PLD1: variants seen among roughly 807,000 people sequenced by gnomAD.
PLD1 encodes phospholipase D1, also known as choline phosphatase 1.
Under a neutral mutation model 137.1 loss-of-function variants are expected in PLD1, and 112 were observed. The ratio of observed to expected loss-of-function variants is 0.82; its 90% CI spans 0.70 to 0.96. The LOEUF is 0.96. Among genes scored for constraint, PLD1 ranks in the 40% least tolerant of loss-of-function variants. The pLI, the probability that PLD1 is intolerant of heterozygous loss-of-function variation, is 0.00. For synonymous variants in PLD1, 431 were observed against 454.7 expected (o/e 0.95, Z 0.66); for missense variants, 1,321 against 1,342.0 (o/e 0.98, Z 0.24).
At chr3:171,721,959 G>T (rs1342070468) in intron 8 of PLD1, among the ~76,000 whole-genome samples, 2 of 151,978 alleles carry the variant, frequency 1.3e-5, no homozygotes, top group East Asian at 3.8e-4. Flanking sequence ...TGTGTGTAAA[G>T]GTGGATGCCA....
intron 24 of PLD1, among the ~76,000 whole-genome samples, chr3:171,614,944 G>A (rs1043733812): frequency 1.2e-4 from 18 of 152,158 alleles, no homozygotes; most frequent in East Asian, 7.7e-4. Flanking sequence ...AGAGGGTGTC[G>A]TTCTTGTATT....
At chr3:171,756,536 G>A (rs1276071360) in intron 1 of PLD1, among the ~76,000 whole-genome samples, 1 of 152,152 alleles carries the variant, frequency 6.6e-6, no homozygotes, top group Admixed American at 6.5e-5. Flanking sequence ...GATGTGTGTC[G>A]ACGGTGAGGT....
At chr3:171,787,944 T>C (rs1170369260) in intron 1 of PLD1, among the ~76,000 whole-genome samples, 2 of 152,062 alleles carry the variant, frequency 1.3e-5, no homozygotes, top group African/African-American at 2.4e-5. Flanking sequence ...CAGTGGCTCA[T>C]GCCTATACTC....
chr3:171,656,143 T>C (rs990945053), intron 21 of PLD1, among the ~76,000 whole-genome samples: 1 of 147,326 alleles, frequency 6.8e-6, no homozygotes, highest in African/African-American at 2.6e-5. Flanking sequence ...CTTGTAGCCC[T>C]AAAATACTAT....
intron 14 of PLD1, among the ~76,000 whole-genome samples, chr3:171,687,835 T>A (rs1321031429): frequency 1.3e-5 from 2 of 152,210 alleles, no homozygotes. Flanking sequence ...TTCACTCCAA[T>A]TAAACTTTTA....
In PLD1 at chr3:171,778,072, G is replaced by A. The variant is rs542006079; in HGVS notation, c.-32+32327C>T. On this transcript the variant is annotated intron_variant, in intron 1 of 26. Coordinates refer to ENST00000351298, the MANE Select transcript of PLD1 (RefSeq NM_002662.5). ...TCATATATGTATTTGTTGCTTACAA[G>A]ATATTTAAATTATTTATGTTACTTA... Among the ~76,000 whole-genome samples, 28 of 152,164 alleles carry A rather than the reference G, an allele frequency of 1.8e-4. No homozygotes were observed. In the South Asian group the frequency reaches 5.8e-3, roughly 32 times the overall value.
At chr3:171,774,239 G>A (rs749610195) in intron 1 of PLD1, among the ~76,000 whole-genome samples, 9 of 152,170 alleles carry the variant, frequency 5.9e-5, no homozygotes, top group African/African-American at 2.2e-4. Context: ...ATGCAAGGGC[G>A]GGGGAGACAG....
At chr3:171,641,802 T>C (rs1735768709) in intron 23 of PLD1, among the ~76,000 whole-genome samples, 1 of 152,150 alleles carries the variant, frequency 6.6e-6, no homozygotes, top group African/African-American at 2.4e-5. Context: ...CTCTACCCTG[T>C]TTACCAACAG....
At chr3:171,803,475 C>T (rs140828500) in intron 1 of PLD1, among the ~76,000 whole-genome samples, 12 of 152,260 alleles carry the variant, frequency 7.9e-5, no homozygotes, top group East Asian at 7.7e-4. Flanking sequence ...TTGCCAATTT[C>T]GATGGTGTAA....
intron 19 of PLD1, among the ~76,000 whole-genome samples, chr3:171,671,699 T>C (rs1177727532): frequency 6.6e-6 from 1 of 152,104 alleles, no homozygotes; most frequent in Non-Finnish European, 1.5e-5. Context: ...GCACATCATA[T>C]TCCTTCTTGG....
intron 11 of PLD1, 146 bp downstream of exon 11, chr3:171,708,609 G>T: frequency 1.9e-6 from 1 of 513,442 alleles, no homozygotes. Context: ...TTCACTGAAG[G>T]CTTAGTCAAC....
intron 23 of PLD1, among the ~76,000 whole-genome samples, chr3:171,635,052 C>A (rs1734992755): frequency 6.6e-6 from 1 of 152,122 alleles, no homozygotes; most frequent in Admixed American, 6.6e-5. Context: ...TGGCTTCTTT[C>A]ACTTAGTGTA....
At chr3:171,746,559 A>G (rs1174945858) in intron 1 of PLD1, among the ~76,000 whole-genome samples, 1 of 152,198 alleles carries the variant, frequency 6.6e-6, no homozygotes, top group East Asian at 1.9e-4. Flanking sequence ...TAAACACACC[A>G]ATCAGCACCC....
chr3:171,698,117 T>C (rs1715919664), intron 12 of PLD1, among the ~76,000 whole-genome samples: 1 of 152,090 alleles, frequency 6.6e-6, no homozygotes, highest in African/African-American at 2.4e-5. Flanking sequence ...ATAGAGAAAG[T>C]TACTGCCCAT....
At chr3:171,623,909 C>A (rs1733858584) in intron 23 of PLD1, among the ~76,000 whole-genome samples, 1 of 142,902 alleles carries the variant, frequency 7.0e-6, no homozygotes, top group Non-Finnish European at 1.5e-5. Flanking sequence ...AAAATGTAAG[C>A]AAATGAAACC....
At chr3:171,661,801 T>C (rs1397547248) in intron 20 of PLD1, among the ~76,000 whole-genome samples, 2 of 152,200 alleles carry the variant, frequency 1.3e-5, no homozygotes, top group Admixed American at 6.5e-5. Flanking sequence ...ACTATTACAA[T>C]GAGTTGATGA....
chr3:171,635,122 A>C (rs1474597326), intron 23 of PLD1, among the ~76,000 whole-genome samples: 1 of 152,152 alleles, frequency 6.6e-6, no homozygotes, highest in Non-Finnish European at 1.5e-5. Flanking sequence ...TTACATCTAA[A>C]TAATACTCCA....
chr3:171,740,172 C>G (rs1030811476), intron 1 of PLD1, among the ~76,000 whole-genome samples: 5 of 152,144 alleles, frequency 3.3e-5, no homozygotes, highest in Admixed American at 2.0e-4. Flanking sequence ...TTACTTTAAC[C>G]CTTTTCCTAT....
In PLD1 at chr3:171,764,930, A is replaced by AAAGGAAGG. The variant is rs1721818814; in HGVS notation, c.-31-26849_-31-26848insCCTTCCTT. On this transcript the variant is annotated intron_variant, in intron 1 of 26. Coordinates refer to ENST00000351298, the MANE Select transcript of PLD1 (RefSeq NM_002662.5). ...AAGGAAGGAAAGAAAGAAAGGAAAG[A>AAAGGAAGG]AAGGAAAGAAAGAAAGAAAGAAAGA... 4.4e-3 allele frequency among the ~76,000 whole-genome samples: 121 copies of AAAGGAAGG among 27,618 alleles called. 18 individuals carry two copies. The highest frequency in any genetic ancestry group is 6.1e-3 in the Non-Finnish European group (79 of 12,996). 18.1% of individuals were successfully genotyped at this position (27,618 alleles called of 152,430 possible). A position where few individuals can be genotyped will look rare whatever the true frequency, so the allele number is the denominator to read the frequency against.
Sources: allele counts gnomAD v4.1 joint callset (sites outside exome capture counted in the v4.1 genomes callset), GRCh38; gene constraint gnomAD v4.1.1; transcripts MANE v1.5; gene names NCBI Gene and HGNC (gene_info 2026-07-23, HGNC 2026-07-21).